The following RNGTT variants were observed in gnomAD, a reference collection of about 807,000 sequenced individuals.
RNGTT encodes RNA guanylyltransferase and 5'-phosphatase.
In RNGTT, 33 loss-of-function variants were observed where a neutral mutation model predicts 79.3. The ratio of observed to expected loss-of-function variants is 0.42; its 90% CI spans 0.32 to 0.56. The LOEUF (loss-of-function observed/expected upper bound fraction) is 0.56. Ranked by LOEUF, RNGTT falls within the 20% of genes least tolerant of loss-of-function variation. RNGTT has a pLI of 0.17. For missense variants in RNGTT, 497 were observed against 739.1 expected (o/e 0.67, Z 3.80); for synonymous variants, 222 against 235.9 (o/e 0.94, Z 0.54).
intron 14 of RNGTT, among the ~76,000 whole-genome samples, chr6:88,640,490 TGAACTATGATCACACCACTGCACTCCA>T (rs1271782394): frequency 7.0e-6 from 1 of 142,998 alleles, no homozygotes; most frequent in Non-Finnish European, 1.5e-5. Context: ...GATAGTGCAG[TGAACTATGATCACACCACTGCACTCCA>T]GCCTGGGTGA....
At chr6:88,801,242 A>T (rs1435313352) in intron 12 of RNGTT, among the ~76,000 whole-genome samples, 1 of 152,250 alleles carries the variant, frequency 6.6e-6, no homozygotes, top group Admixed American at 6.5e-5. Flanking sequence ...CATTTATGTA[A>T]TGCTATTGGT....
At chr6:88,859,299 T>C (rs1781935607) in intron 8 of RNGTT, among the ~76,000 whole-genome samples, 1 of 151,842 alleles carries the variant, frequency 6.6e-6, no homozygotes, top group African/African-American at 2.4e-5. Context: ...ATATATATAA[T>C]ACAGCACATT....
intron 14 of RNGTT, among the ~76,000 whole-genome samples, chr6:88,629,396 T>G (rs931238845): frequency 5.3e-5 from 8 of 152,200 alleles, no homozygotes; most frequent in Non-Finnish European, 8.8e-5. Context: ...CGTGCTATTA[T>G]CTAAAGATTT....
At chr6:88,614,837 A>G (rs1772160260) in intron 14 of RNGTT, among the ~76,000 whole-genome samples, 1 of 152,186 alleles carries the variant, frequency 6.6e-6, no homozygotes, top group African/African-American at 2.4e-5. Flanking sequence ...GTTAAATGAA[A>G]AAGTTACATA....
chr6:88,838,023 T>C (rs945665757), intron 11 of RNGTT, among the ~76,000 whole-genome samples: 3 of 152,040 alleles, frequency 2.0e-5, no homozygotes, highest in Admixed American at 6.6e-5. Context: ...CCTAAAAAAA[T>C]TGCAAAATTA....
chr6:88,780,857 G>A (rs1779039586), intron 12 of RNGTT, among the ~76,000 whole-genome samples: 1 of 152,174 alleles, frequency 6.6e-6, no homozygotes, highest in African/African-American at 2.4e-5. Context: ...GAAGCTAACT[G>A]GAGGTATACA....
At chr6:88,763,087 CTTTTTTTT>C (rs59200191) in intron 13 of RNGTT, among the ~76,000 whole-genome samples, 42 of 95,512 alleles carry the variant, frequency 4.4e-4, no homozygotes, top group Middle Eastern at 6.0e-3. Flanking sequence ...TCATGGCCAG[CTTTTTTTT>C]TTTTTTTTTT....
Position 88,906,457 on chromosome 6 carries a change from C to T in RNGTT, c.368-17G>A, listed in dbSNP as rs375070625. The T allele has an allele frequency of 8.4e-6, 13 of 1,548,874 alleles. No homozygotes were observed. In the African/African-American group the frequency reaches 1.5e-4, roughly 18 times the overall value. ...AATGAACACCTAGAAAATAAAGTAG[C>T]TTTGGTTAAAATTAACAAATCACTG... is the stretch of plus-strand genomic sequence containing the variant. On this transcript the variant is annotated splice_polypyrimidine_tract_variant and intron_variant, in intron 4 of 15. Transcript: ENST00000369485.
chr6:88,745,524 A>G (rs1242569740), intron 13 of RNGTT, among the ~76,000 whole-genome samples: 1 of 152,220 alleles, frequency 6.6e-6, no homozygotes, highest in Non-Finnish European at 1.5e-5. Context: ...CATTTTAGAT[A>G]TATTGAGTTA....
chr6:88,802,345 C>G (rs1165286049), intron 11 of RNGTT, among the ~76,000 whole-genome samples: 1 of 152,056 alleles, frequency 6.6e-6, no homozygotes, highest in Non-Finnish European at 1.5e-5. Flanking sequence ...AAAAATACAA[C>G]TAACAGTTTT....
At chr6:88,718,871 A>G (rs961526902) in intron 13 of RNGTT, among the ~76,000 whole-genome samples, 7 of 152,206 alleles carry the variant, frequency 4.6e-5, no homozygotes, top group Non-Finnish European at 1.0e-4. Context: ...CAGAGTATCC[A>G]AAACCAGATG....
At chr6:88,899,402 T>C (rs1409750593) in intron 6 of RNGTT, among the ~76,000 whole-genome samples, 1 of 151,946 alleles carries the variant, frequency 6.6e-6, no homozygotes, top group Non-Finnish European at 1.5e-5. Context: ...CTCAGCCTCA[T>C]AAGTAGCTGA....
chr6:88,837,240 T>C (rs796987550), intron 11 of RNGTT, among the ~76,000 whole-genome samples: 1 of 151,314 alleles, frequency 6.6e-6, no homozygotes, highest in Non-Finnish European at 1.5e-5. Flanking sequence ...CCACAAAAAA[T>C]TTTAAAATTA....
Position 88,764,988 on chromosome 6 carries a change from C to A in RNGTT, c.1439+4786G>T, listed in dbSNP as rs147054791. Among the ~76,000 whole-genome samples the A allele has an allele frequency of 7.7e-4, 117 of 152,064 alleles. 2 individuals carry two copies. The East Asian group carries it at 0.021, about 28-fold the overall frequency. On this transcript the variant is annotated intron_variant, in intron 13 of 15. Coordinates refer to ENST00000369485, the MANE Select transcript of RNGTT (RefSeq NM_003800.5). ...CAGGTGGATCATCAGGTCAGGAGAT[C>A]GAGACCATCCTGGCTAACACGGTGA...
intron 8 of RNGTT, among the ~76,000 whole-genome samples, chr6:88,878,698 T>C (rs1264662019): frequency 6.6e-6 from 1 of 152,238 alleles, no homozygotes; most frequent in African/African-American, 2.4e-5. Flanking sequence ...ATTTCATCTC[T>C]AGTTCTTATG....
intron 12 of RNGTT, 31 bp downstream of exon 12, chr6:88,801,533 C>T (rs895452512): frequency 1.5e-5 from 24 of 1,550,354 alleles, no homozygotes; most frequent in African/African-American, 6.8e-5. Context: ...AACACACAAA[C>T]GAACACACAC....
chr6:88,833,636 T>C (rs1290767590), intron 11 of RNGTT, among the ~76,000 whole-genome samples: 1 of 152,224 alleles, frequency 6.6e-6, no homozygotes, highest in African/African-American at 2.4e-5. Context: ...GTCAATCCTA[T>C]GGCTTTGTTA....
At chr6:88,941,994 T>G (rs980702457) in intron 1 of RNGTT, among the ~76,000 whole-genome samples, 2 of 151,994 alleles carry the variant, frequency 1.3e-5, no homozygotes, top group African/African-American at 4.8e-5. Flanking sequence ...CTAATTTTTT[T>G]GCTGGGGGGA....
At chr6:88,926,965 T>C (rs1784339106) in intron 4 of RNGTT, among the ~76,000 whole-genome samples, 1 of 152,226 alleles carries the variant, frequency 6.6e-6, no homozygotes, top group African/African-American at 2.4e-5. Flanking sequence ...CTTTTTTATC[T>C]TACGTTCTCA....
Sources: allele counts gnomAD v4.1 joint callset (sites outside exome capture counted in the v4.1 genomes callset), GRCh38; gene constraint gnomAD v4.1.1; transcripts MANE v1.5; gene names NCBI Gene and HGNC (gene_info 2026-07-23, HGNC 2026-07-21).